GPR158: variants seen among roughly 807,000 people sequenced by gnomAD.
GPR158 encodes the protein G protein-coupled receptor 158.
Under a neutral mutation model 78.2 loss-of-function variants are expected in GPR158, and 30 were observed. That is an observed-to-expected ratio of 0.38 (90% CI 0.29 to 0.52). The LOEUF is 0.52. Ranked by LOEUF, GPR158 falls within the 20% of genes least tolerant of loss-of-function variation. The pLI is 0.83. For synonymous variants in GPR158, 581 were observed against 591.1 expected (o/e 0.98, Z 0.25); for missense variants, 1,463 against 1,523.5 (o/e 0.96, Z 0.66).
At chr10:25,234,087 C>T (rs77088555) in intron 2 of GPR158, among the ~76,000 whole-genome samples, 1 of 152,162 alleles carries the variant, frequency 6.6e-6, no homozygotes, top group East Asian at 1.9e-4. Context: ...CTTTGGGATA[C>T]TCAGGAATTT....
intron 2 of GPR158, among the ~76,000 whole-genome samples, chr10:25,261,470 T>C (rs1256783325): frequency 1.3e-5 from 2 of 152,170 alleles, no homozygotes; most frequent in African/African-American, 2.4e-5. Context: ...TCTTTTTTTA[T>C]GTCTTTTGCA....
Position 25,176,200 on chromosome 10 carries a change from G to T in GPR158, c.780G>T (p.Lys260Asn). 6.3e-7 allele frequency: 1 copy of T among 1,584,096 alleles called. No individual in the cohort carries two copies. The highest frequency in any genetic ancestry group is 8.6e-7 in the Non-Finnish European group (1 of 1,166,084). ...WRRKDGLGGD[K>N]SHFKWSPPYL... ...GCAAGGACGGGCTCGGCGGGGACAA[G>T]AGCCACTTCAAGTGGTCTCCGCCTT... Residue 260 changes from lysine (K) to asparagine (N), a missense_variant, in exon 1 of 11, where the codon AAG becomes AAT. Lys to Asn is a moderately conservative substitution (Grantham distance 94). Coordinates refer to ENST00000376351, the MANE Select transcript of GPR158 (RefSeq NM_020752.3). The surrounding 1 kb of genome is among the most constrained non-coding windows in gnomAD (Gnocchi z 6.3).
intron 1 of GPR158, among the ~76,000 whole-genome samples, chr10:25,181,979 A>G (rs1852616792): frequency 1.3e-5 from 2 of 152,032 alleles, no homozygotes; most frequent in Admixed American, 1.3e-4. Flanking sequence ...CAGCTTCCCA[A>G]AGTGTTGAGA....
intron 5 of GPR158, among the ~76,000 whole-genome samples, chr10:25,495,500 G>A (rs1452180653): frequency 6.6e-6 from 1 of 151,766 alleles, no homozygotes; most frequent in African/African-American, 2.4e-5. Context: ...CACCATGTTA[G>A]CCAGGAAAAT....
intron 4 of GPR158, among the ~76,000 whole-genome samples, chr10:25,425,425 T>C (rs1470039021): frequency 1.3e-5 from 2 of 151,974 alleles, no homozygotes; most frequent in East Asian, 1.9e-4. Flanking sequence ...CCCTGATAAT[T>C]AGTGATGTTG....
chr10:25,244,164 C>T (rs929896791), intron 2 of GPR158: 2 of 152,134 alleles, frequency 1.3e-5, no homozygotes, highest in Non-Finnish European at 1.5e-5. Context: ...AATAAACCCC[C>T]TTTCTTGGTT....
Position 25,538,215 on chromosome 10 carries a change from G to T in GPR158, c.1405-12761G>T, listed in dbSNP as rs570201020. 2.1e-4 allele frequency among the ~76,000 whole-genome samples: 15 copies of T among 72,660 alleles called. No homozygotes were observed. The South Asian group carries it at 6.3e-3, about 30-fold the overall frequency. The allele number at this position is 72,660 out of a possible 152,430, so 47.7% of individuals were successfully genotyped here. A position where few individuals can be genotyped will look rare whatever the true frequency, so the allele number is the denominator to read the frequency against. Reference sequence around the variant, plus strand: ...TCAGAGCCAAAGCTTCAGATTTGCCGTTGTTGTTGTTGTTGTTGTTTTGCT... The same window carrying T: ...TCAGAGCCAAAGCTTCAGATTTGCCTTTGTTGTTGTTGTTGTTGTTTTGCT... On this transcript the variant is annotated intron_variant, in intron 5 of 10. Transcript: ENST00000376351.
At chr10:25,254,857 C>T (rs1281446721) in intron 2 of GPR158, among the ~76,000 whole-genome samples, 1 of 152,154 alleles carries the variant, frequency 6.6e-6, no homozygotes, top group South Asian at 2.1e-4. Context: ...AATGACTAGA[C>T]ACATTCTAAA....
At chr10:25,217,673 G>C (rs1339925666) in intron 1 of GPR158, among the ~76,000 whole-genome samples, 1 of 152,188 alleles carries the variant, frequency 6.6e-6, no homozygotes, top group East Asian at 1.9e-4. Flanking sequence ...TCCAACCTAT[G>C]GCACTTGGCC....
At chr10:25,346,697 T>C (rs1044178824) in intron 2 of GPR158, among the ~76,000 whole-genome samples, 3 of 151,968 alleles carry the variant, frequency 2.0e-5, no homozygotes, top group Non-Finnish European at 4.4e-5. Flanking sequence ...TTCTTTTGTT[T>C]CCTACAAAGA....
intron 6 of GPR158, among the ~76,000 whole-genome samples, chr10:25,562,937 C>T (rs540011466): frequency 1.5e-4 from 23 of 152,222 alleles, no homozygotes; most frequent in Admixed American, 4.6e-4. Context: ...TTCCTGTTTG[C>T]TTCATATATT....
At chr10:25,543,109 TTTTA>T (rs1362201312) in intron 5 of GPR158, among the ~76,000 whole-genome samples, 3 of 152,010 alleles carry the variant, frequency 2.0e-5, no homozygotes, top group African/African-American at 7.2e-5. Flanking sequence ...CAGCAATACT[TTTTA>T]TTTTTTATTT....
intron 5 of GPR158, among the ~76,000 whole-genome samples, chr10:25,529,255 C>T (rs1049299308): frequency 1.3e-5 from 2 of 152,050 alleles, no homozygotes; most frequent in East Asian, 1.9e-4. Context: ...GGCGTGGTGG[C>T]GGGCACCTGT....
chr10:25,421,099 A>G (rs1180377851), intron 4 of GPR158, among the ~76,000 whole-genome samples: 1 of 152,202 alleles, frequency 6.6e-6, no homozygotes, highest in Non-Finnish European at 1.5e-5. Flanking sequence ...TAAACACAAA[A>G]TATCTTTCTA....
chr10:25,509,519 A>T (rs947111570), intron 5 of GPR158, among the ~76,000 whole-genome samples: 4 of 152,082 alleles, frequency 2.6e-5, no homozygotes, highest in Non-Finnish European at 5.9e-5. Flanking sequence ...AAGGTTTCTC[A>T]CTAAGACATT....
At chr10:25,466,209 A>T (rs1835420190) in intron 4 of GPR158, 1 of 153,364 alleles carries the variant, frequency 6.5e-6, no homozygotes, top group Non-Finnish European at 1.5e-5. Context: ...AAATCTTGCC[A>T]CCGCACACTC....
At chr10:25,541,599 CA>C (rs35714132) in intron 5 of GPR158, among the ~76,000 whole-genome samples, 89 of 135,666 alleles carry the variant, frequency 6.6e-4, no homozygotes, top group East Asian at 1.1e-3. Context: ...AATTCAGTTT[CA>C]AAAAAAAAAA....
At chr10:25,527,029 T>C (rs1836356845) in intron 5 of GPR158, among the ~76,000 whole-genome samples, 1 of 152,052 alleles carries the variant, frequency 6.6e-6, no homozygotes, top group African/African-American at 2.4e-5. Flanking sequence ...AAAGGAGATA[T>C]TCACAGAAAA....
chr10:25,499,289 G>A (rs1284050037), intron 5 of GPR158, among the ~76,000 whole-genome samples: 2 of 152,132 alleles, frequency 1.3e-5, no homozygotes, highest in East Asian at 1.9e-4. Flanking sequence ...TACCTTTCCT[G>A]AAATACAGTG....
Sources: gnomAD v4.1 joint callset for allele counts (sites outside exome capture counted in the v4.1 genomes callset) on GRCh38, gnomAD v4.1.1 for gene constraint, Gnocchi (gnomAD v3.1) non-coding constraint, MANE v1.5 for transcripts, NCBI Gene and HGNC (gene_info 2026-07-23, HGNC 2026-07-21) for gene names.